NAALADL2: variants seen among roughly 807,000 people sequenced by gnomAD.
The protein encoded by NAALADL2 is inactive N-acetylated-alpha-linked acidic dipeptidase-like protein 2.
NAALADL2 carries 76 observed loss-of-function variants against 87.2 expected under a neutral mutation model. That is an observed-to-expected ratio of 0.87 (90% CI 0.72 to 1.05). The LOEUF is 1.05. Among genes scored for constraint, NAALADL2 ranks in the 50% least tolerant of loss-of-function variants. NAALADL2 has a pLI of 0.00. For missense variants in NAALADL2, 1,089 were observed against 945.8 expected (o/e 1.15, Z -1.99); for synonymous variants, 354 against 331.0 (o/e 1.07, Z -0.75).
chr3:175,047,976 A>G (rs28642195), intron 1 of NAALADL2, among the ~76,000 whole-genome samples: 31,573 of 152,116 alleles, frequency 0.21, 3,496 homozygotes, highest in East Asian at 0.38. Flanking sequence ...TATGACTCCA[A>G]TTTCATAGCC....
At chr3:174,756,007 A>C (rs1318431053) in intron 3 of NAALADL2, among the ~76,000 whole-genome samples, 1 of 152,204 alleles carries the variant, frequency 6.6e-6, no homozygotes, top group Non-Finnish European at 1.5e-5. Context: ...TCAGGCAATC[A>C]CACAATTCAT....
At chr3:175,668,410 T>C (rs1733504959) in intron 11 of NAALADL2, among the ~76,000 whole-genome samples, 1 of 152,158 alleles carries the variant, frequency 6.6e-6, no homozygotes, top group South Asian at 2.1e-4. Flanking sequence ...TGGATGACTT[T>C]TACTGCATTT....
intron 1 of NAALADL2, among the ~76,000 whole-genome samples, chr3:174,959,689 G>A (rs1741698991): frequency 1.3e-5 from 2 of 152,064 alleles, no homozygotes; most frequent in Admixed American, 1.3e-4. Flanking sequence ...GGCAAAGTAA[G>A]GTTGCATAAG....
intron 4 of NAALADL2, among the ~76,000 whole-genome samples, chr3:175,284,557 A>G (rs1372007805): frequency 2.6e-5 from 4 of 151,972 alleles, no homozygotes; most frequent in Non-Finnish European, 4.4e-5. Flanking sequence ...TCAATCCAAC[A>G]ATTTGTTTTC....
intron 1 of NAALADL2, among the ~76,000 whole-genome samples, chr3:174,863,342 T>C (rs1482876500): frequency 3.3e-5 from 5 of 152,198 alleles, no homozygotes; most frequent in African/African-American, 7.2e-5. Context: ...GTTTCTATAT[T>C]TATGGTCTTG....
Position 174,759,921 on chromosome 3 carries a change from G to A in NAALADL2, c.-9+22175G>A, listed in dbSNP as rs370016800. Among the ~76,000 whole-genome samples the A allele has an allele frequency of 2.9e-4, 44 of 152,104 alleles. No individual in the cohort carries two copies. The East Asian group carries it at 5.2e-3, about 18-fold the overall frequency. The stretch of plus-strand genomic sequence containing the variant: ...TTGCCATGTTGGCCAGGCTGGTCTC[G>A]AACTCCTGACCTTGTGATCTGCCCG... On this transcript the variant is annotated intron_variant, in intron 3 of 3. Coordinates refer to the NAALADL2 transcript ENST00000434257.
At chr3:175,516,189 C>T (rs1731808792) in intron 9 of NAALADL2, among the ~76,000 whole-genome samples, 1 of 152,186 alleles carries the variant, frequency 6.6e-6, no homozygotes, top group Admixed American at 6.5e-5. Context: ...TTGTCACTAA[C>T]ATGCATAAGA....
intron 11 of NAALADL2, among the ~76,000 whole-genome samples, chr3:175,690,834 G>A (rs1736945914): frequency 6.6e-6 from 1 of 151,992 alleles, no homozygotes; most frequent in Admixed American, 6.6e-5. Flanking sequence ...TTGTTTTAGT[G>A]TAAAAATAGT....
chr3:175,531,637 C>G (rs1734100287), intron 9 of NAALADL2, among the ~76,000 whole-genome samples: 1 of 152,244 alleles, frequency 6.6e-6, no homozygotes, highest in Non-Finnish European at 1.5e-5. Flanking sequence ...GCTTTGCCAG[C>G]TGAAGGCAAA....
intron 2 of NAALADL2, among the ~76,000 whole-genome samples, chr3:175,190,972 A>G (rs1046656240): frequency 7.8e-6 from 1 of 128,972 alleles, no homozygotes; most frequent in Non-Finnish European, 1.6e-5. Flanking sequence ...ACAGAGGGAG[A>G]CTCCGTCTCA....
At chr3:174,498,374 AT>A (rs1306099898) in intron 1 of NAALADL2, among the ~76,000 whole-genome samples, 2 of 151,956 alleles carry the variant, frequency 1.3e-5, no homozygotes, top group Non-Finnish European at 2.9e-5. Flanking sequence ...GTTTAAAAAT[AT>A]TTTTGTGGAG....
At chr3:175,718,227 T>TTTTTTTTTTTTTAAAAAA in intron 11 of NAALADL2, 1 of 1,037,686 alleles carries the variant, frequency 9.6e-7, no homozygotes. Context: ...TTTTTTTGAT[T>TTTTTTTTTTTTTAAAAAA]AGTTGCTGTA....
At chr3:175,116,644 AATGGCCATACTGCCCAATGTAATTT>A (rs1725226361) in intron 2 of NAALADL2, among the ~76,000 whole-genome samples, 1 of 152,140 alleles carries the variant, frequency 6.6e-6, no homozygotes, top group Non-Finnish European at 1.5e-5. Flanking sequence ...ATATTGTGAA[AATGGCCATACTGCCCAATGTAATTT>A]ATGGATTCAA....
chr3:174,870,273 A>G (rs1310867438), intron 1 of NAALADL2, among the ~76,000 whole-genome samples: 1 of 152,154 alleles, frequency 6.6e-6, no homozygotes, highest in Non-Finnish European at 1.5e-5. Flanking sequence ...GAGAAAGTAC[A>G]TTTCATTACC....
intron 1 of NAALADL2, among the ~76,000 whole-genome samples, chr3:175,081,527 C>A (rs1580342506): frequency 1.3e-5 from 2 of 152,104 alleles, no homozygotes; most frequent in Non-Finnish European, 1.5e-5. Flanking sequence ...ATATGAAGAC[C>A]CCCTTCTTAT....
chr3:174,682,905 C>T (rs1053875966), intron 2 of NAALADL2, among the ~76,000 whole-genome samples: 1 of 152,006 alleles, frequency 6.6e-6, no homozygotes, highest in Non-Finnish European at 1.5e-5. Context: ...TGACTTCACC[C>T]AAAAAACTAT....
intron 5 of NAALADL2, among the ~76,000 whole-genome samples, chr3:175,325,591 G>A (rs1760610366): frequency 6.6e-6 from 1 of 152,212 alleles, no homozygotes; most frequent in Non-Finnish European, 1.5e-5. Context: ...AAGTCAATGG[G>A]CTACAGTGCT....
At chr3:175,504,519 C>T (rs1377275194) in intron 9 of NAALADL2, among the ~76,000 whole-genome samples, 9 of 150,516 alleles carry the variant, frequency 6.0e-5, no homozygotes, top group East Asian at 2.0e-4. Flanking sequence ...TGTGGCTTTA[C>T]GAGAAAAGAA....
At chr3:175,628,237 G>A (rs923970421) in intron 11 of NAALADL2, among the ~76,000 whole-genome samples, 1 of 151,654 alleles carries the variant, frequency 6.6e-6, no homozygotes, top group African/African-American at 2.4e-5. Flanking sequence ...CTATAAAATA[G>A]GCTTTGTGTT....
Sources: allele counts gnomAD v4.1 joint callset (sites outside exome capture counted in the v4.1 genomes callset), GRCh38; gene constraint gnomAD v4.1.1; transcripts MANE v1.5; gene names NCBI Gene and HGNC (gene_info 2026-07-23, HGNC 2026-07-21).